DPP10: variants seen among roughly 807,000 people sequenced by gnomAD.
The protein encoded by DPP10 is inactive dipeptidyl peptidase 10.
Under a neutral mutation model 120.9 loss-of-function variants are expected in DPP10, and 33 were observed. The observed-to-expected ratio is 0.27, with a 90% CI of 0.21 to 0.37. The LOEUF is 0.37. Among genes scored for constraint, DPP10 ranks in the 10% least tolerant of loss-of-function variants. The pLI is 1.00. For synonymous variants in DPP10, 337 were observed against 326.1 expected (o/e 1.03, Z -0.36); for missense variants, 816 against 942.8 (o/e 0.87, Z 1.76).
chr2:115,753,651 C>T (rs902067894), intron 11 of DPP10, among the ~76,000 whole-genome samples: 5 of 152,076 alleles, frequency 3.3e-5, no homozygotes. Flanking sequence ...TCTTTCCTAT[C>T]TTCTTTAAAC....
intron 5 of DPP10, among the ~76,000 whole-genome samples, chr2:115,652,305 A>T (rs910248982): frequency 1.3e-5 from 2 of 151,944 alleles, no homozygotes; most frequent in Non-Finnish European, 1.5e-5. Flanking sequence ...TGTATAGCAC[A>T]GTGTCTTGTG....
intron 1 of DPP10, among the ~76,000 whole-genome samples, chr2:115,245,747 AAT>A (rs2058504883): frequency 6.6e-6 from 1 of 152,102 alleles, no homozygotes; most frequent in Admixed American, 6.6e-5. Flanking sequence ...ATACAATGGG[AAT>A]ATGTTACTTT....
At chr2:115,007,062 T>A (rs1317314825) in intron 1 of DPP10, among the ~76,000 whole-genome samples, 1 of 152,004 alleles carries the variant, frequency 6.6e-6, no homozygotes, top group African/African-American at 2.4e-5. Flanking sequence ...GGATTAAGAA[T>A]CTCACTCAAA....
At chr2:114,840,886 T>C (rs1688105312) in intron 1 of DPP10, among the ~76,000 whole-genome samples, 1 of 152,166 alleles carries the variant, frequency 6.6e-6, no homozygotes, top group Non-Finnish European at 1.5e-5. Context: ...ATGGATTTTT[T>C]CTTATCCATC....
rs369936118 is a variant in DPP10, at chr2:115,746,203, C to G, written c.950+20C>G. 7.0e-6 allele frequency: 11 copies of G among 1,570,344 alleles called. No individual in the cohort carries two copies. In the African/African-American group the frequency reaches 1.5e-4, roughly 21 times the overall value. ...ATCAAGGTATGCAATTTCAATTTCA[C>G]TTTTATGGGGAAATAGATATTTTCA... On this transcript the variant is annotated intron_variant, in intron 10 of 25. Transcript: ENST00000410059.
intron 2 of DPP10, among the ~76,000 whole-genome samples, chr2:115,337,625 C>G (rs1464145931): frequency 7.4e-6 from 1 of 135,980 alleles, no homozygotes; most frequent in Non-Finnish European, 1.5e-5. Context: ...AATGAACATC[C>G]CGAAGGATTA....
intron 1 of DPP10, among the ~76,000 whole-genome samples, chr2:115,093,050 G>A (rs918180578): frequency 6.6e-6 from 1 of 152,120 alleles, no homozygotes; most frequent in Non-Finnish European, 1.5e-5. Context: ...AAGATAAAAA[G>A]CTAGAAGATA....
At chr2:114,663,668 T>TATATAGAGAGAGAG in intron 1 of DPP10, among the ~76,000 whole-genome samples, 128 of 80,698 alleles carry the variant, frequency 1.6e-3, no homozygotes, top group East Asian at 5.4e-3. Context: ...TATATATATA[T>TATATAGAGAGAGAG]AGAGAGAGAG....
chr2:115,375,256 T>A (rs1187866077), intron 3 of DPP10, among the ~76,000 whole-genome samples: 2 of 152,186 alleles, frequency 1.3e-5, no homozygotes, highest in East Asian at 3.8e-4. Context: ...ATATCCTAAA[T>A]AATCTCTCTC....
chr2:115,458,936 C>A (rs1004244630), intron 3 of DPP10, among the ~76,000 whole-genome samples: 1 of 151,972 alleles, frequency 6.6e-6, no homozygotes, highest in Non-Finnish European at 1.5e-5. Context: ...GGAATATTAA[C>A]CTAATTAAGG....
At chr2:114,476,240 G>A (rs182132426) in intron 1 of DPP10, among the ~76,000 whole-genome samples, 1 of 152,092 alleles carries the variant, frequency 6.6e-6, no homozygotes, top group African/African-American at 2.4e-5. Context: ...TCATTCTTAA[G>A]TACAGAACAC....
At chr2:114,865,806 C>T (rs375099815) in intron 1 of DPP10, among the ~76,000 whole-genome samples, 4 of 152,040 alleles carry the variant, frequency 2.6e-5, no homozygotes, top group Admixed American at 6.6e-5. Flanking sequence ...TAAACAAAAC[C>T]TCTTTAATTT....
rs557392472 is a variant in DPP10 at position 115,803,279 on chromosome 2, T to G, written c.1701-11514T>G. 3.3e-5 allele frequency among the ~76,000 whole-genome samples: 5 copies of G among 152,282 alleles called. No homozygotes were observed. The South Asian group carries it at 1.0e-3, about 32-fold the overall frequency. On this transcript the variant is annotated intron_variant, in intron 19 of 25. Coordinates refer to ENST00000410059, the MANE Select transcript of DPP10 (RefSeq NM_020868.6). Reference sequence around the variant, plus strand: ...CCCTGTCTTTTTTTGTTTTCCATTTTCTTGGTAGATCTTCCTCCATCCCTT... The same window carrying G: ...CCCTGTCTTTTTTTGTTTTCCATTTGCTTGGTAGATCTTCCTCCATCCCTT...
intron 1 of DPP10, among the ~76,000 whole-genome samples, chr2:115,049,711 A>C (rs1705324728): frequency 6.6e-6 from 1 of 152,210 alleles, no homozygotes; most frequent in Non-Finnish European, 1.5e-5. Context: ...TCATGATGGC[A>C]TGTGTGAAGA....
At chr2:114,506,241 G>A (rs1683646946) in intron 1 of DPP10, among the ~76,000 whole-genome samples, 1 of 152,242 alleles carries the variant, frequency 6.6e-6, no homozygotes, top group South Asian at 2.1e-4. Flanking sequence ...GCAGCTGGAT[G>A]TGGAAGACTA....
intron 5 of DPP10, among the ~76,000 whole-genome samples, chr2:115,617,289 TACACAC>T (rs71394156): frequency 7.3e-6 from 1 of 136,530 alleles, no homozygotes; most frequent in African/African-American, 2.7e-5. Flanking sequence ...TATATATATA[TACACAC>T]ATAGCATATA....
At chr2:115,827,446 AT>A (rs1559209956) in intron 21 of DPP10, among the ~76,000 whole-genome samples, 21 of 137,498 alleles carry the variant, frequency 1.5e-4, no homozygotes, top group African/African-American at 5.6e-4. Flanking sequence ...ATATATATAT[AT>A]GCTCTACAGT....
At chr2:114,910,394 G>A (rs950570064) in intron 1 of DPP10, among the ~76,000 whole-genome samples, 1 of 151,816 alleles carries the variant, frequency 6.6e-6, no homozygotes, top group Non-Finnish European at 1.5e-5. Flanking sequence ...GATTTAGAAA[G>A]TAACCAAATA....
At chr2:114,979,768 T>C (rs955919685) in intron 1 of DPP10, among the ~76,000 whole-genome samples, 1 of 152,090 alleles carries the variant, frequency 6.6e-6, no homozygotes, top group Non-Finnish European at 1.5e-5. Context: ...ATAGTAAATA[T>C]ACCAGTAAAT....
Sources: allele counts gnomAD v4.1 joint callset (sites outside exome capture counted in the v4.1 genomes callset), GRCh38; gene constraint gnomAD v4.1.1; transcripts MANE v1.5; gene names NCBI Gene and HGNC (gene_info 2026-07-23, HGNC 2026-07-21).